NUDT17: variants seen among roughly 807,000 people sequenced by gnomAD.
NUDT17 encodes m7GpppN-mRNA hydrolase NUDT17.
A neutral mutation model predicts 38.6 loss-of-function variants in NUDT17; 38 were observed. That is an observed-to-expected ratio of 0.98 (90% CI 0.76 to 1.29). The LOEUF (loss-of-function observed/expected upper bound fraction) is 1.29, where lower values mean the gene tolerates loss of function less well. NUDT17 is among the 50% of genes most tolerant of loss of function. The probability of loss-of-function intolerance (pLI) is 0.00; values close to 1 mark genes in which losing one functional copy is unlikely to be tolerated. For synonymous variants in NUDT17, 192 were observed against 167.8 expected (o/e 1.14, Z -1.11); for missense variants, 462 against 415.2 (o/e 1.11, Z -0.98).
Position 145,846,189 on chromosome 1 carries a change from AC to A in NUDT17, c.374del (p.Pro125ArgfsTer48). 2 of 1,585,004 alleles carry A rather than the reference AC, an allele frequency of 1.3e-6. No homozygotes were observed. Among genetic ancestry groups the A allele is most frequent in the Admixed American group, 1.8e-5 (1 of 55,216 alleles). On this transcript the variant is annotated frameshift_variant, in exon 2 of 8. Coordinates refer to ENST00000334513, the MANE Select transcript of NUDT17 (RefSeq NM_001012758.3). LOFTEE classifies it high-confidence loss of function. Reference protein sequence around the residue: ...TLSVSPNLWVPPGGHVELEEE... With the variant: ...TLSVSPNLWVXPGGHVELEEE... ...TGAGCGTTTCCCCCAACCTCTGGGTACCCCCGGGTGAGTATTCTGGGGACAA... is the reference window on the plus strand; with the variant it reads ...TGAGCGTTTCCCCCAACCTCTGGGTACCCCGGGTGAGTATTCTGGGGACAA...
intron 1 of NUDT17, 52 bp from the exon 2 acceptor site, chr1:145,845,961 C>T (rs1570763251): frequency 1.9e-6 from 3 of 1,551,354 alleles, no homozygotes; most frequent in African/African-American, 1.4e-5. Flanking sequence ...AAGTCACGCC[C>T]ACCCAGTGCC....
chr1:145,846,310 C>T, intron 2 of NUDT17, 114 bp downstream of exon 2: 3 of 1,460,952 alleles, frequency 2.1e-6, no homozygotes, highest in Non-Finnish European at 2.9e-6. Context: ...GTGGCATGTT[C>T]ATAGTCACAA....
chr1:145,848,490 C>T lies in NUDT17; in HGVS notation c.*11C>T. The T allele has an allele frequency of 2.5e-6, 4 of 1,575,124 alleles. No homozygotes were observed. The highest frequency in any genetic ancestry group is 3.5e-6 in the Non-Finnish European group (4 of 1,145,484). ...GGGTCTGGAAAGTGAAGTGTAAAAT[C>T]CCCTCCCTAGCCCATCTCCATGACA... On this transcript the variant is annotated 3_prime_UTR_variant, in exon 8 of 8. Coordinates refer to ENST00000334513, the MANE Select transcript of NUDT17 (RefSeq NM_001012758.3).
Position 145,845,784 on chromosome 1 carries a change from C to T in NUDT17, c.144C>T (p.Val48=), listed in dbSNP as rs782352831. 3 of 1,594,040 alleles carry T rather than the reference C, an allele frequency of 1.9e-6. No individual in the cohort carries two copies. The highest frequency in any genetic ancestry group is 2.7e-5 in the African/African-American group (2 of 74,654). ...IHCSLKRGRL[V]LSSRPFPGAS... ...GCAGCTTGAAGCGAGGACGGCTTGT[C>T]CTCTCGAGCAGGCCCTTCCCAGGCG... The change falls in exon 1 of 8, where the codon GTC becomes GTT. Residue 48 remains valine (V), a synonymous_variant. Transcript: ENST00000334513.
At position 145,847,699 on chromosome 1, in the gene NUDT17, G is replaced by C. The variant is rs587692764; in HGVS notation, c.711G>C (p.Gln237His). The part of the protein sequence containing the change: ...DGTETPGLLP[Q>H]DLPPSVLAVE... Reference sequence around the variant, plus strand: ...CAGAGACACCCGGACTTCTCCCCCAGGACCTACCACCCTCTGTCCTGTAAG... The same window carrying C: ...CAGAGACACCCGGACTTCTCCCCCACGACCTACCACCCTCTGTCCTGTAAG... The change falls in exon 6 of 8, where the codon CAG (glutamine) becomes CAC (histidine). Residue 237 changes from glutamine (Q) to histidine (H), a missense_variant. Physicochemically the swap from Gln to His is conservative, Grantham distance 24 (BLOSUM62 0). Transcript: ENST00000334513. The C allele has an allele frequency of 6.2e-7, 1 of 1,614,116 alleles. No homozygotes were observed. The highest frequency in any genetic ancestry group is 1.3e-5 in the African/African-American group (1 of 75,030).
intron 1 of NUDT17, 80 bp downstream of exon 1, chr1:145,845,912 G>A: frequency 6.6e-7 from 1 of 1,526,176 alleles, no homozygotes; most frequent in Non-Finnish European, 8.9e-7. Flanking sequence ...CTGGCGGCGA[G>A]GACCCCGCCC....
chr1:145,847,794 C>T (rs1652780438), intron 6 of NUDT17, 75 bp downstream of exon 6: 1 of 1,472,160 alleles, frequency 6.8e-7, no homozygotes, highest in Non-Finnish European at 9.5e-7. Context: ...CTATCCTGTC[C>T]TCAGGATGGA....
rs1166030185 is a variant in NUDT17 at position 145,846,279 on chromosome 1, G to A, written c.376+83G>A. On this transcript the variant is annotated intron_variant, in intron 2 of 7. Coordinates refer to ENST00000334513, the MANE Select transcript of NUDT17 (RefSeq NM_001012758.3). ...AACAATGTTTTTCCCAGTCTCAGAAGGATAAAGTGGGCCCCAAAATGTGGC... is the reference window on the plus strand; with the variant it reads ...AACAATGTTTTTCCCAGTCTCAGAAAGATAAAGTGGGCCCCAAAATGTGGC... The A allele has an allele frequency of 4.7e-6, 7 of 1,484,814 alleles. No homozygotes were observed. The Admixed American group carries it at 9.7e-5, about 21-fold the overall frequency. The allele number at this position is 1,484,814 out of a possible 1,614,324, so 92.0% of individuals were successfully genotyped here.
intron 2 of NUDT17, 34 bp from the exon 3 acceptor site, chr1:145,846,399 C>G (rs150557195): frequency 6.2e-7 from 1 of 1,613,912 alleles, no homozygotes; most frequent in Non-Finnish European, 8.5e-7. Flanking sequence ...CCAAGACCAC[C>G]ACCATTCACC....
At chr1:145,845,969 G>T in intron 1 of NUDT17, 44 bp from the exon 2 acceptor site, 3 of 1,561,926 alleles carry the variant, frequency 1.9e-6, no homozygotes, top group Non-Finnish European at 2.6e-6. Flanking sequence ...CCCACCCAGT[G>T]CCGCCCTTCT....
At chr1:145,846,231 G>T in intron 2 of NUDT17, 35 bp downstream of exon 2, 1 of 1,552,656 alleles carries the variant, frequency 6.4e-7, no homozygotes, top group Non-Finnish European at 8.7e-7. Context: ...CAAGTACAGA[G>T]AAGAAATTTG....
At chr1:145,846,256 CA>C (rs1652664243) in intron 2 of NUDT17, 60 bp downstream of exon 2, 1 of 1,521,506 alleles carries the variant, frequency 6.6e-7, no homozygotes, top group Admixed American at 1.9e-5. Flanking sequence ...TTCCCCGCAA[CA>C]ATGTTTTTCC....
At position 145,845,742 on chromosome 1, in the gene NUDT17, G is replaced by A; in HGVS notation, c.102G>A (p.Gly34=). 6.4e-7 allele frequency: 1 copy of A among 1,568,644 alleles called. No homozygotes were observed. The change falls in exon 1 of 8, where the codon GGG becomes GGA. Residue 34 remains glycine (G), a synonymous_variant. Coordinates refer to ENST00000334513, the MANE Select transcript of NUDT17 (RefSeq NM_001012758.3). ...TCCTGGGAGCCGGACCAGGGCTCGG[G>A]ACGTGGCCCATTCACTGCAGCTTGA... ...CGLLGAGPGL[G]TWPIHCSLKR...
rs1269011156 is a variant in NUDT17, at chr1:145,847,327, G to A, written c.573G>A (p.Gln191=). ...TTCTGTATCTACTCGTGATCTCCCA[G>A]GAATCACAGCAGCAGTTGCAGGTAG... is the stretch of plus-strand genomic sequence containing the variant. ...HIVLYLLVIS[Q]ESQQQLQARI... Residue 191 remains glutamine, a synonymous_variant, in exon 5 of 8, where the codon CAG becomes CAA. Transcript: ENST00000334513. 5.0e-6 allele frequency: 8 copies of A among 1,610,912 alleles called. No homozygotes were observed. In the African/African-American group the frequency reaches 8.0e-5, roughly 16 times the overall value.
rs1553732528 is a variant in NUDT17, at chr1:145,846,512, T to C, written c.402+54T>C. ...CAAGAGACCCATGCCTGGGACCATCTTGGGTGTGGGCTGAGGGAGAGGCAA... is the reference window on the plus strand; with the variant it reads ...CAAGAGACCCATGCCTGGGACCATCCTGGGTGTGGGCTGAGGGAGAGGCAA... On this transcript the variant is annotated intron_variant, in intron 3 of 7. Coordinates refer to ENST00000334513, the MANE Select transcript of NUDT17 (RefSeq NM_001012758.3). 6.2e-6 allele frequency: 10 copies of C among 1,606,934 alleles called. No individual in the cohort carries two copies. In the East Asian group the frequency reaches 2.0e-4, roughly 32 times the overall value.
In NUDT17 at chr1:145,848,527, T is replaced by C. The variant is rs782712022; in HGVS notation, c.*48T>C. 6 of 1,261,792 alleles carry C rather than the reference T, an allele frequency of 4.8e-6. No individual in the cohort carries two copies. The highest frequency in any genetic ancestry group is 6.9e-6 in the Non-Finnish European group (6 of 875,886). The allele number at this position is 1,261,792 out of a possible 1,614,324, so 78.2% of individuals were successfully genotyped here. ...CCATCTCCATGACACTCACAGAACATTCACAACCTTTATTATGGGTGAGAG... is the reference window on the plus strand; with the variant it reads ...CCATCTCCATGACACTCACAGAACACTCACAACCTTTATTATGGGTGAGAG... On this transcript the variant is annotated 3_prime_UTR_variant, in exon 8 of 8. Transcript: ENST00000334513.
chr1:145,847,209 A>AT, intron 4 of NUDT17, 41 bp from the exon 5 acceptor site: 2 of 1,172,134 alleles, frequency 1.7e-6, no homozygotes, highest in Non-Finnish European at 2.4e-6. Flanking sequence ...AAAAAAAAAA[A>AT]GTGACGGAAA....
intron 6 of NUDT17, 71 bp from the exon 7 acceptor site, chr1:145,848,041 G>A: frequency 3.8e-6 from 6 of 1,571,286 alleles, no homozygotes; most frequent in Non-Finnish European, 5.2e-6. Flanking sequence ...GGAGGATTCG[G>A]GGACCTAACA....
At chr1:145,845,925 A>G in intron 1 of NUDT17, 88 bp from the exon 2 acceptor site, 1 of 1,524,144 alleles carries the variant, frequency 6.6e-7, no homozygotes, top group Non-Finnish European at 8.9e-7. Context: ...CCCCGCCCCC[A>G]ACGCGCGGTG....
Sources: allele counts gnomAD v4.1 joint callset, GRCh38; gene constraint gnomAD v4.1.1; transcripts MANE v1.5; gene names NCBI Gene and HGNC (gene_info 2026-07-23, HGNC 2026-07-21).